Variants in ADORA1 observed in about 807,000 individuals in gnomAD.
ADORA1 encodes adenosine receptor A1.
A neutral mutation model predicts 19.9 loss-of-function variants in ADORA1; 6 were observed. That is an observed-to-expected ratio of 0.30 (90% CI 0.17 to 0.59). ADORA1 has a LOEUF of 0.59. Among genes scored for constraint, ADORA1 ranks in the 20% least tolerant of loss-of-function variants. ADORA1 has a pLI of 0.87. For synonymous variants in ADORA1, 194 were observed against 188.4 expected, an observed-to-expected ratio of 1.03 and a Z score of -0.24; for missense variants, 302 against 439.2, an observed-to-expected ratio of 0.69 and a Z score of 2.79.
intron 3 of ADORA1, among the ~76,000 whole-genome samples, chr1:203,141,876 C>T (rs2102744963): frequency 6.6e-6 from 1 of 152,294 alleles, no homozygotes; most frequent in Admixed American, 6.5e-5. Context: ...AGCCACCACA[C>T]CCGGCCTAAC....
chr1:203,149,812 C>A (rs575156111), intron 3 of ADORA1, among the ~76,000 whole-genome samples: 41 of 152,266 alleles, frequency 2.7e-4, no homozygotes, highest in Admixed American at 3.3e-4. Flanking sequence ...GTGATTATTG[C>A]AATAGTTGGC....
At chr1:203,163,100 G>A (rs1466915526) in intron 3 of ADORA1, among the ~76,000 whole-genome samples, 3 of 152,236 alleles carry the variant, frequency 2.0e-5, no homozygotes, top group Non-Finnish European at 4.4e-5. Flanking sequence ...CATTGAGATG[G>A]TCAGGAACAA....
intron 3 of ADORA1, among the ~76,000 whole-genome samples, chr1:203,137,029 G>C (rs1258235565): frequency 6.6e-6 from 1 of 152,124 alleles, no homozygotes; most frequent in African/African-American, 2.4e-5. Flanking sequence ...GTAGAGTGTT[G>C]GAAGGTAGAA....
chr1:203,133,306 G>T (rs1654401160), intron 3 of ADORA1, among the ~76,000 whole-genome samples: 1 of 152,036 alleles, frequency 6.6e-6, no homozygotes, highest in Admixed American at 6.6e-5. Flanking sequence ...GTAGAGATGG[G>T]GTTTCACCAT....
chr1:203,129,428 C>T (rs914762050), intron 3 of ADORA1, among the ~76,000 whole-genome samples: 6 of 152,190 alleles, frequency 3.9e-5, no homozygotes, highest in Non-Finnish European at 8.8e-5. Context: ...AGCTGAAGCT[C>T]TTGCAGCCAG....
intron 3 of ADORA1, among the ~76,000 whole-genome samples, chr1:203,147,384 G>T (rs866402656): frequency 6.6e-6 from 1 of 152,080 alleles, no homozygotes; most frequent in South Asian, 2.1e-4. Flanking sequence ...AATCTGTGAC[G>T]GACCCTGCAG....
intron 3 of ADORA1, among the ~76,000 whole-genome samples, chr1:203,158,055 T>A (rs536935492): frequency 6.6e-6 from 1 of 152,362 alleles, no homozygotes; most frequent in South Asian, 2.1e-4. Flanking sequence ...ACATCCTTAG[T>A]ATTCTCTCCT....
rs188298417 is a variant in ADORA1 at position 203,152,072 on chromosome 1, G to A, written c.342-13189G>A. On this transcript the variant is annotated intron_variant, in intron 3 of 3. Transcript: ENST00000337894. ...GATGATTTGACACATTCCAGAAGAAGGGAACCGTGACCTGCTAGAGCCCAG... is the reference window on the plus strand; with the variant it reads ...GATGATTTGACACATTCCAGAAGAAAGGAACCGTGACCTGCTAGAGCCCAG... Among the ~76,000 whole-genome samples the A allele has an allele frequency of 1.4e-3, 206 of 152,294 alleles. 1 individual carries two copies. The highest frequency in any genetic ancestry group is 4.8e-3 in the African/African-American group (199 of 41,552).
At chr1:203,139,542 G>C (rs1283845866) in intron 3 of ADORA1, among the ~76,000 whole-genome samples, 1 of 152,240 alleles carries the variant, frequency 6.6e-6, no homozygotes, top group African/African-American at 2.4e-5. Context: ...TTGCAGTGAT[G>C]AATTTGAAGT....
chr1:203,151,299 T>C (rs554384320), intron 3 of ADORA1, among the ~76,000 whole-genome samples: 1 of 152,274 alleles, frequency 6.6e-6, no homozygotes, highest in East Asian at 1.9e-4. Flanking sequence ...GTGTAGGGTT[T>C]AGTGCTGGGC....
chr1:203,141,365 C>T (rs1654684882), intron 3 of ADORA1, among the ~76,000 whole-genome samples: 1 of 152,156 alleles, frequency 6.6e-6, no homozygotes. Flanking sequence ...CAGAGGCTAC[C>T]AGTTTCCAGT....
intron 3 of ADORA1, among the ~76,000 whole-genome samples, chr1:203,145,746 C>T (rs1316636843): frequency 6.6e-6 from 1 of 152,262 alleles, no homozygotes; most frequent in Admixed American, 6.5e-5. Context: ...CATCTCTCTC[C>T]AGTTTCAGGG....
chr1:203,137,191 G>A (rs1035313674), intron 3 of ADORA1, among the ~76,000 whole-genome samples: 2 of 152,196 alleles, frequency 1.3e-5, no homozygotes, highest in African/African-American at 4.8e-5. Flanking sequence ...CCCTGGAGGT[G>A]AGGGAACACA....
chr1:203,143,598 G>A (rs948698984), intron 3 of ADORA1, among the ~76,000 whole-genome samples: 3 of 151,694 alleles, frequency 2.0e-5, no homozygotes, highest in Non-Finnish European at 4.4e-5. Context: ...ATCTTTATTT[G>A]TAAGTCAAAA....
intron 3 of ADORA1, among the ~76,000 whole-genome samples, chr1:203,156,672 C>T (rs988518946): frequency 6.6e-6 from 1 of 152,170 alleles, no homozygotes; most frequent in Non-Finnish European, 1.5e-5. Context: ...ATCTGTCTTA[C>T]TTCATTTTCT....
At chr1:203,140,586 G>T (rs773159144) in intron 3 of ADORA1, among the ~76,000 whole-genome samples, 1 of 152,098 alleles carries the variant, frequency 6.6e-6, no homozygotes, top group Non-Finnish European at 1.5e-5. Flanking sequence ...AGGAGGAGGG[G>T]CTCTCTCTTA....
At chr1:203,136,104 A>G (rs1654498229) in intron 3 of ADORA1, among the ~76,000 whole-genome samples, 2 of 152,122 alleles carry the variant, frequency 1.3e-5, no homozygotes, top group Non-Finnish European at 2.9e-5. Flanking sequence ...AGAGGAAGGA[A>G]GTGGAGAGAC....
At chr1:203,135,864 C>G (rs1654488899) in intron 3 of ADORA1, among the ~76,000 whole-genome samples, 2 of 152,132 alleles carry the variant, frequency 1.3e-5, no homozygotes, top group Admixed American at 6.5e-5. Flanking sequence ...CCCAATTTTA[C>G]CCACACTGCA....
At chr1:203,152,344 C>T in intron 3 of ADORA1, among the ~76,000 whole-genome samples, 1 of 152,234 alleles carries the variant, frequency 6.6e-6, no homozygotes, top group East Asian at 1.9e-4. Flanking sequence ...CTGGGCCCTC[C>T]CCATGTGCCA....
Sources: gnomAD v4.1 joint callset for allele counts (sites outside exome capture counted in the v4.1 genomes callset) on GRCh38, gnomAD v4.1.1 for gene constraint, MANE v1.5 for transcripts, NCBI Gene and HGNC (gene_info 2026-07-23, HGNC 2026-07-21) for gene names.